The following ADAMTSL1 variants were observed in gnomAD, a reference collection of about 807,000 sequenced individuals.
The protein encoded by ADAMTSL1 is ADAMTS-like protein 1.
A neutral mutation model predicts 201.8 loss-of-function variants in ADAMTSL1; 126 were observed. The ratio of observed to expected loss-of-function variants is 0.62; its 90% CI spans 0.54 to 0.72. The LOEUF (loss-of-function observed/expected upper bound fraction) is 0.72, where lower values mean the gene tolerates loss of function less well. Among genes scored for constraint, ADAMTSL1 ranks in the 30% least tolerant of loss-of-function variants. The pLI is 0.00. For missense variants in ADAMTSL1, 2,679 were observed against 2,277.8 expected (o/e 1.18, Z -3.59); for synonymous variants, 1,121 against 903.4 (o/e 1.24, Z -4.32).
chr9:18,582,465 G>A (rs73431672), intron 4 of ADAMTSL1, among the ~76,000 whole-genome samples: 14,235 of 152,178 alleles, frequency 0.094, 775 homozygotes, highest in Middle Eastern at 0.15. Flanking sequence ...GGAGGAACCC[G>A]GTGGGAGGCG....
chr9:18,119,491 G>A (rs1005976575), intron 1 of ADAMTSL1, among the ~76,000 whole-genome samples: 3 of 151,896 alleles, frequency 2.0e-5, no homozygotes, highest in East Asian at 1.9e-4. Context: ...CAGTAGAGAC[G>A]GATTTCACTA....
chr9:18,793,279 T>C (rs1291960067), intron 19 of ADAMTSL1: 4 of 152,250 alleles, frequency 2.6e-5, no homozygotes, highest in African/African-American at 9.6e-5. Context: ...AGCAATGTAG[T>C]AGGCCCAAGG....
intron 4 of ADAMTSL1, among the ~76,000 whole-genome samples, chr9:18,595,293 G>A (rs904172381): frequency 1.3e-5 from 2 of 152,140 alleles, no homozygotes; most frequent in Admixed American, 1.3e-4. Context: ...GGGATCTTCT[G>A]TGAGAAGGAG....
intron 1 of ADAMTSL1, among the ~76,000 whole-genome samples, chr9:17,909,501 G>A (rs1330314404): frequency 1.1e-4 from 8 of 73,506 alleles, no homozygotes; most frequent in African/African-American, 1.7e-4. Context: ...TTTCGTATAA[G>A]GTGTAAGGAA....
intron 2 of ADAMTSL1, among the ~76,000 whole-genome samples, chr9:18,429,115 A>G (rs1442956520): frequency 1.3e-5 from 2 of 152,204 alleles, no homozygotes; most frequent in African/African-American, 4.8e-5. Context: ...GAGTTTATGT[A>G]TGTATATAAA....
intron 20 of ADAMTSL1, among the ~76,000 whole-genome samples, chr9:18,801,448 A>T (rs1411223063): frequency 6.6e-6 from 1 of 152,062 alleles, no homozygotes; most frequent in East Asian, 1.9e-4. Flanking sequence ...TGTCACAGGG[A>T]TTTGTTGTAC....
At chr9:18,101,667 G>C (rs1824528652) in intron 1 of ADAMTSL1, among the ~76,000 whole-genome samples, 1 of 152,194 alleles carries the variant, frequency 6.6e-6, no homozygotes, top group South Asian at 2.1e-4. Context: ...CGGGAGACAA[G>C]GGCAGAAGAT....
intron 1 of ADAMTSL1, among the ~76,000 whole-genome samples, chr9:18,062,446 A>T (rs1202932026): frequency 2.0e-5 from 3 of 152,208 alleles, no homozygotes; most frequent in Non-Finnish European, 4.4e-5. Flanking sequence ...TAGAATAAAA[A>T]TGCATATGAG....
chr9:18,559,642 A>G (rs969988887), intron 3 of ADAMTSL1, among the ~76,000 whole-genome samples: 24 of 152,202 alleles, frequency 1.6e-4, no homozygotes, highest in Non-Finnish European at 2.2e-4. Context: ...ACCCATTAGC[A>G]TGGAATGTTT....
chr9:17,909,987 GA>G (rs113039631), intron 1 of ADAMTSL1, among the ~76,000 whole-genome samples: 5,135 of 52,438 alleles, frequency 0.098, 1,363 homozygotes, highest in African/African-American at 0.17. Context: ...ATAATTAAAA[GA>G]AAAAAAAAAA....
At chr9:18,138,073 C>T (rs191696608) in intron 1 of ADAMTSL1, among the ~76,000 whole-genome samples, 90 of 152,226 alleles carry the variant, frequency 5.9e-4, no homozygotes, top group Non-Finnish European at 9.9e-4. Flanking sequence ...CCTGCTATGC[C>T]ACTTGCTGGC....
intron 1 of ADAMTSL1, among the ~76,000 whole-genome samples, chr9:18,031,806 C>T (rs997638958): frequency 2.6e-5 from 4 of 152,170 alleles, no homozygotes; most frequent in Admixed American, 1.3e-4. Flanking sequence ...ACCTGTAACT[C>T]CCCAGGAACC....
At chr9:18,571,971 T>A (rs1003706660) in intron 3 of ADAMTSL1, among the ~76,000 whole-genome samples, 2 of 152,118 alleles carry the variant, frequency 1.3e-5, no homozygotes, top group African/African-American at 4.8e-5. Flanking sequence ...GGCAGGTGGA[T>A]CACCTGAGGT....
chr9:18,393,028 G>C (rs1289884096), intron 2 of ADAMTSL1, among the ~76,000 whole-genome samples: 1 of 152,082 alleles, frequency 6.6e-6, no homozygotes, highest in African/African-American at 2.4e-5. Context: ...TGTGTGTAAG[G>C]GGCACATAAT....
At chr9:18,872,176 A>C (rs986382268) in intron 23 of ADAMTSL1, among the ~76,000 whole-genome samples, 7 of 151,366 alleles carry the variant, frequency 4.6e-5, no homozygotes, top group Admixed American at 1.3e-4. Flanking sequence ...TTTTTAACAG[A>C]TAGAATATAA....
rs184388689 is a variant in ADAMTSL1 at position 18,220,191 on chromosome 9, T to A, written c.207+56210T>A. On this transcript the variant is annotated intron_variant, in intron 2 of 29. Transcript: ENST00000680146. ...TTTTTCACCTGCTTCATTGATCAGT[T>A]TTGGTTTAGATATGATCCAGTTTTC... 1.3e-4 allele frequency among the ~76,000 whole-genome samples: 20 copies of A among 152,228 alleles called. No individual in the cohort carries two copies. The East Asian group carries it at 3.7e-3, about 28-fold the overall frequency.
At chr9:18,304,896 A>C (rs1696218609) in intron 2 of ADAMTSL1, among the ~76,000 whole-genome samples, 1 of 152,078 alleles carries the variant, frequency 6.6e-6, no homozygotes, top group South Asian at 2.1e-4. Flanking sequence ...TATGTACTTA[A>C]ACAGTGTACG....
At chr9:18,890,723 C>CG (rs892302598) in intron 25 of ADAMTSL1, 3 of 361,920 alleles carry the variant, frequency 8.3e-6, no homozygotes, top group Non-Finnish European at 1.7e-5. Context: ...TTTCTCAAAC[C>CG]CCCCCCACCC....
chr9:18,579,733 A>G (rs1822978153), intron 4 of ADAMTSL1, among the ~76,000 whole-genome samples: 1 of 152,176 alleles, frequency 6.6e-6, no homozygotes, highest in South Asian at 2.1e-4. Flanking sequence ...ACATTGTACA[A>G]TTATCAACTC....
Sources: allele counts gnomAD v4.1 joint callset (sites outside exome capture counted in the v4.1 genomes callset), GRCh38; gene constraint gnomAD v4.1.1; transcripts MANE v1.5; gene names NCBI Gene and HGNC (gene_info 2026-07-23, HGNC 2026-07-21).